RPF2: variants seen among roughly 807,000 people sequenced by gnomAD.
RPF2 encodes ribosome production factor 2 homolog, also known as brix domain containing 1.
A neutral mutation model predicts 38.9 loss-of-function variants in RPF2; 21 were observed. The observed-to-expected ratio is 0.54, with a 90% CI of 0.38 to 0.78. RPF2 has a LOEUF of 0.78. Among genes scored for constraint, RPF2 ranks in the 30% least tolerant of loss-of-function variants. RPF2 has a pLI of 0.00. For missense variants in RPF2, 314 were observed against 358.1 expected, an observed-to-expected ratio of 0.88 and a Z score of 0.99; for synonymous variants, 121 against 126.2, an observed-to-expected ratio of 0.96 and a Z score of 0.28.
chr6:111,021,772 A>G (rs941141985), intron 8 of RPF2, among the ~76,000 whole-genome samples: 1 of 152,224 alleles, frequency 6.6e-6, no homozygotes, highest in African/African-American at 2.4e-5. Flanking sequence ...GGCTAGCTAT[A>G]CTGTGGAACC....
At chr6:110,999,484 A>G (rs1295095408) in intron 5 of RPF2, among the ~76,000 whole-genome samples, 2 of 152,168 alleles carry the variant, frequency 1.3e-5, no homozygotes, top group Admixed American at 6.6e-5. Flanking sequence ...TTATTCTTCT[A>G]TAAAATAAAG....
intron 2 of RPF2, among the ~76,000 whole-genome samples, chr6:110,986,141 T>A (rs979994532): frequency 2.0e-5 from 3 of 152,130 alleles, no homozygotes; most frequent in African/African-American, 7.2e-5. Context: ...TAATTGGGCA[T>A]GGCCAAAGGA....
chr6:110,987,869 G>T (rs1370699228), intron 2 of RPF2, among the ~76,000 whole-genome samples: 4 of 152,054 alleles, frequency 2.6e-5, no homozygotes, highest in African/African-American at 9.7e-5. Flanking sequence ...AGTAATAAAT[G>T]ATTATAGGCC....
At chr6:111,023,714 A>T (rs1365146963) in intron 8 of RPF2, among the ~76,000 whole-genome samples, 1 of 152,160 alleles carries the variant, frequency 6.6e-6, no homozygotes, top group African/African-American at 2.4e-5. Flanking sequence ...AAAGCCGGGC[A>T]TGGTGGCTCA....
intron 1 of RPF2, 64 bp downstream of exon 1, chr6:110,982,193 TA>T (rs1199808072): frequency 6.4e-7 from 1 of 1,565,472 alleles, no homozygotes; most frequent in Non-Finnish European, 8.8e-7. Flanking sequence ...ATGAGGGTGG[TA>T]CTGTCTCGGC....
intron 4 of RPF2, among the ~76,000 whole-genome samples, chr6:110,994,730 T>TACAC (rs1483788093): frequency 1.0e-5 from 1 of 97,268 alleles, no homozygotes; most frequent in South Asian, 3.5e-4. Context: ...GGGATGAGTA[T>TACAC]ATATACACAC....
chr6:110,994,736 C>T (rs61699584), intron 4 of RPF2, among the ~76,000 whole-genome samples: 39,182 of 119,866 alleles, frequency 0.33, 6,363 homozygotes, highest in East Asian at 0.69. Flanking sequence ...AGTATATATA[C>T]ACACACACAC....
chr6:111,005,850 C>T (rs1273901178), intron 6 of RPF2, among the ~76,000 whole-genome samples: 6 of 151,790 alleles, frequency 4.0e-5, no homozygotes, highest in South Asian at 4.2e-4. Flanking sequence ...GAGTCTCTGT[C>T]GCCCAGGCTG....
At chr6:110,988,119 C>T (rs918441272) in intron 2 of RPF2, among the ~76,000 whole-genome samples, 1 of 152,130 alleles carries the variant, frequency 6.6e-6, no homozygotes, top group Admixed American at 6.6e-5. Flanking sequence ...GGGAGGATCA[C>T]CTGAGCCCTG....
chr6:111,001,044 G>C (rs1771804819), intron 6 of RPF2, among the ~76,000 whole-genome samples: 1 of 152,092 alleles, frequency 6.6e-6, no homozygotes, highest in East Asian at 1.9e-4. Flanking sequence ...TATCCCGTGA[G>C]TTTGGAAAAA....
chr6:111,021,565 C>T (rs1316425540), intron 8 of RPF2, among the ~76,000 whole-genome samples: 1 of 152,298 alleles, frequency 6.6e-6, no homozygotes, highest in East Asian at 1.9e-4. Context: ...GAGCTGGGCT[C>T]AGCCACGTGA....
chr6:110,984,901 C>G (rs1307364760), intron 1 of RPF2, 105 bp from the exon 2 acceptor site: 1 of 1,228,754 alleles, frequency 8.1e-7, no homozygotes, highest in African/African-American at 1.5e-5. Flanking sequence ...AGGGTGGAAC[C>G]CTAAGTGACA....
chr6:111,015,747 C>T lies in RPF2; in HGVS notation c.494-7C>T. 1.9e-6 allele frequency: 3 copies of T among 1,571,712 alleles called. No individual in the cohort carries two copies. Among genetic ancestry groups the T allele is most frequent in the Non-Finnish European group, 2.6e-6 (3 of 1,143,358 alleles). The stretch of plus-strand genomic sequence containing the variant: ...TGTTTTGTTAATAATTTAATATGTG[C>T]TTTTAGATTTCTTCAGAGGCCCCAC... On this transcript the variant is annotated splice_polypyrimidine_tract_variant and splice_region_variant and intron_variant, in intron 7 of 9. Coordinates refer to ENST00000441448, the MANE Select transcript of RPF2 (RefSeq NM_032194.3).
chr6:110,988,665 G>A (rs1462152356), intron 2 of RPF2, among the ~76,000 whole-genome samples: 4 of 152,116 alleles, frequency 2.6e-5, no homozygotes, highest in Non-Finnish European at 5.9e-5. Flanking sequence ...TCGAACTCCT[G>A]GGCTTGAGTG....
intron 8 of RPF2, among the ~76,000 whole-genome samples, chr6:111,018,780 G>T (rs1238941572): frequency 6.6e-6 from 1 of 152,148 alleles, no homozygotes; most frequent in Admixed American, 6.6e-5. Context: ...GTAATTTTTA[G>T]CTGGTTAAGA....
At chr6:110,987,251 G>T (rs971407504) in intron 2 of RPF2, among the ~76,000 whole-genome samples, 4 of 151,886 alleles carry the variant, frequency 2.6e-5, no homozygotes, top group Admixed American at 6.6e-5. Flanking sequence ...TAGAGACAGG[G>T]TTTCACCATG....
intron 7 of RPF2, among the ~76,000 whole-genome samples, chr6:111,009,686 C>A (rs1438860662): frequency 6.6e-6 from 1 of 151,892 alleles, no homozygotes; most frequent in Non-Finnish European, 1.5e-5. Context: ...ATTTTTTTCT[C>A]CTTTATGAGG....
intron 2 of RPF2, 90 bp from the exon 3 acceptor site, chr6:110,988,938 A>G (rs569539738): frequency 7.7e-5 from 114 of 1,489,130 alleles, no homozygotes; most frequent in Middle Eastern, 7.1e-4. Context: ...CCCCAGAGCA[A>G]TCTTGGAGAG....
At chr6:110,997,017 G>T (rs1197630402) in intron 4 of RPF2, among the ~76,000 whole-genome samples, 166 bp from the exon 5 acceptor site, 1 of 152,132 alleles carries the variant, frequency 6.6e-6, no homozygotes, top group Non-Finnish European at 1.5e-5. Context: ...GGCCAGGCTG[G>T]TCTCAAACTC....
Sources: allele counts gnomAD v4.1 joint callset (sites outside exome capture counted in the v4.1 genomes callset), GRCh38; gene constraint gnomAD v4.1.1; transcripts MANE v1.5; gene names NCBI Gene and HGNC (gene_info 2026-07-23, HGNC 2026-07-21).